TRIM24: variants seen among roughly 807,000 people sequenced by gnomAD.
TRIM24 encodes tripartite motif containing 24, also known as transcription intermediary factor 1-alpha.
TRIM24 carries 29 observed loss-of-function variants against 123.9 expected under a neutral mutation model. The ratio of observed to expected loss-of-function variants is 0.23; its 90% confidence interval spans 0.17 to 0.32. The LOEUF is 0.32. Ranked by LOEUF, TRIM24 falls within the 10% of genes least tolerant of loss-of-function variation. TRIM24 has a pLI of 1.00. For synonymous variants in TRIM24, 456 were observed against 461.1 expected (o/e 0.99, Z 0.14); for missense variants, 932 against 1,295.3 (o/e 0.72, Z 4.31).
chr7:138,527,043 AT>A (rs370487930), intron 5 of TRIM24, among the ~76,000 whole-genome samples: 3,317 of 151,214 alleles, frequency 0.022, 101 homozygotes, highest in African/African-American at 0.073. Context: ...CAAAGTTTAC[AT>A]TTTTTTTTAT....
chr7:138,491,172 G>C, intron 1 of TRIM24: 1 of 288,350 alleles, frequency 3.5e-6, no homozygotes, highest in Non-Finnish European at 6.8e-6. Context: ...AAGACTCACT[G>C]CAAACACATA....
chr7:138,536,565 G>A (rs1375625659), intron 6 of TRIM24, among the ~76,000 whole-genome samples: 8 of 152,196 alleles, frequency 5.3e-5, no homozygotes, highest in South Asian at 2.1e-4. Context: ...CTGCCTGATC[G>A]TTCCTCTGGA....
intron 14 of TRIM24, among the ~76,000 whole-genome samples, chr7:138,578,532 TTGTG>T (rs142839380): frequency 0.26 from 37,842 of 146,752 alleles, 5,346 homozygotes; most frequent in Non-Finnish European, 0.33. Context: ...GGTGGTGGTT[TTGTG>T]TGTGTGTGTG....
At chr7:138,463,617 G>A (rs922731422) in intron 1 of TRIM24, among the ~76,000 whole-genome samples, 1 of 152,132 alleles carries the variant, frequency 6.6e-6, no homozygotes, top group Non-Finnish European at 1.5e-5. Context: ...ATGACATATT[G>A]TTTGCCTGGC....
chr7:138,515,917 A>G (rs952965053), intron 3 of TRIM24, among the ~76,000 whole-genome samples: 1 of 152,198 alleles, frequency 6.6e-6, no homozygotes, highest in African/African-American at 2.4e-5. Context: ...AGTGGTATTT[A>G]TTACATTTAC....
rs200253671 is a variant in TRIM24 at position 138,584,020 on chromosome 7, G to T, written c.2943+21G>T. 4.4e-6 allele frequency: 7 copies of T among 1,586,394 alleles called. No individual in the cohort carries two copies. The East Asian group carries it at 1.1e-4, about 26-fold the overall frequency. On this transcript the variant is annotated intron_variant, in intron 18 of 18. Transcript: ENST00000343526. Reference sequence around the variant, plus strand: ...ATGAGGTGAGGCTAGGGGAGGGAAGGGGGCAGGAAGGAACAGCAGTGTGAA... The same window carrying T: ...ATGAGGTGAGGCTAGGGGAGGGAAGTGGGCAGGAAGGAACAGCAGTGTGAA...
chr7:138,479,064 T>G (rs1314391590), intron 1 of TRIM24, among the ~76,000 whole-genome samples: 1 of 152,184 alleles, frequency 6.6e-6, no homozygotes, highest in African/African-American at 2.4e-5. Flanking sequence ...ATCGGTTGCC[T>G]TCTTTTTATC....
chr7:138,498,094 CACTGCA>C (rs2116514273), intron 1 of TRIM24, among the ~76,000 whole-genome samples: 1 of 152,192 alleles, frequency 6.6e-6, no homozygotes, highest in African/African-American at 2.4e-5. Flanking sequence ...AATCTCAGCT[CACTGCA>C]ACCTCTGCCT....
intron 8 of TRIM24, among the ~76,000 whole-genome samples, chr7:138,552,984 A>C (rs537413790): frequency 2.4e-4 from 36 of 152,226 alleles, no homozygotes; most frequent in Non-Finnish European, 3.8e-4. Flanking sequence ...ACAATAGGTA[A>C]ATACACCCAC....
chr7:138,558,152 T>A (rs943884590), intron 9 of TRIM24, among the ~76,000 whole-genome samples: 1 of 151,998 alleles, frequency 6.6e-6, no homozygotes, highest in South Asian at 2.1e-4. Flanking sequence ...GGCCAGAGGG[T>A]GCCTGCCAGG....
At chr7:138,469,309 T>C (rs979123661) in intron 1 of TRIM24, among the ~76,000 whole-genome samples, 5 of 152,056 alleles carry the variant, frequency 3.3e-5, no homozygotes, top group African/African-American at 1.2e-4. Flanking sequence ...CTTTCTGCAA[T>C]GTAACCTTGA....
At chr7:138,511,051 G>T (rs1307922848) in intron 2 of TRIM24, among the ~76,000 whole-genome samples, 1 of 152,046 alleles carries the variant, frequency 6.6e-6, no homozygotes, top group Non-Finnish European at 1.5e-5. Context: ...CATCCCATCT[G>T]TATCACTCTG....
At chr7:138,491,444 C>T (rs977717611) in intron 1 of TRIM24, 4 of 154,538 alleles carry the variant, frequency 2.6e-5, no homozygotes, top group African/African-American at 9.6e-5. Flanking sequence ...CAATATTTGT[C>T]CTTTTCTGGT....
intron 9 of TRIM24, among the ~76,000 whole-genome samples, chr7:138,567,165 TAGA>T (rs1797550869): frequency 1.3e-5 from 2 of 152,198 alleles, no homozygotes; most frequent in African/African-American, 4.8e-5. Context: ...GTGAAGGACT[TAGA>T]AGGATACCAA....
intron 1 of TRIM24, among the ~76,000 whole-genome samples, chr7:138,463,989 CTTT>C (rs568562414): frequency 0.011 from 536 of 50,724 alleles, 10 homozygotes; most frequent in Middle Eastern, 0.036. Flanking sequence ...AAAATTTAGA[CTTT>C]TTTTTTTTTT....
In TRIM24 at chr7:138,588,074, A is replaced by C. The variant is rs554633200; in HGVS notation, c.*3123A>C. 188 of 152,368 alleles carry C rather than the reference A, an allele frequency of 1.2e-3. No individual in the cohort carries two copies. The highest frequency in any genetic ancestry group is 4.4e-3 in the African/African-American group (183 of 41,590). 9.4% of individuals were successfully genotyped at this position (152,368 alleles called of 1,614,324 possible). ...ATATTTTACTACCACATAGTAGTGT[A>C]GATGTAGTATAACTTGCTTAGGAAT... On this transcript the variant is annotated 3_prime_UTR_variant, in exon 19 of 19. Coordinates refer to ENST00000343526, the MANE Select transcript of TRIM24 (RefSeq NM_015905.3).
At chr7:138,505,926 T>C (rs1418521966) in intron 2 of TRIM24, among the ~76,000 whole-genome samples, 1 of 152,200 alleles carries the variant, frequency 6.6e-6, no homozygotes, top group Non-Finnish European at 1.5e-5. Context: ...TTAGTCTACT[T>C]TTGGATCTTG....
chr7:138,472,045 G>A (rs1795283212), intron 1 of TRIM24, among the ~76,000 whole-genome samples: 1 of 152,042 alleles, frequency 6.6e-6, no homozygotes, highest in African/African-American at 2.4e-5. Context: ...CCATGGAAAA[G>A]CATATAGGTG....
intron 7 of TRIM24, among the ~76,000 whole-genome samples, chr7:138,542,112 A>C (rs1797016279): frequency 6.6e-6 from 1 of 152,218 alleles, no homozygotes; most frequent in African/African-American, 2.4e-5. Flanking sequence ...TCTGCTTGGC[A>C]TTCTCTTCAT....
Sources: gnomAD v4.1 joint callset for allele counts (sites outside exome capture counted in the v4.1 genomes callset) on GRCh38, gnomAD v4.1.1 for gene constraint, MANE v1.5 for transcripts, NCBI Gene and HGNC (gene_info 2026-07-23, HGNC 2026-07-21) for gene names.